KLC1: variants seen among roughly 807,000 people sequenced by gnomAD.
KLC1 encodes the protein kinesin 2 60/70kDa.
A neutral mutation model predicts 84.2 loss-of-function variants in KLC1; 30 were observed. The observed-to-expected ratio is 0.36, with a 90% confidence interval of 0.27 to 0.48. The LOEUF (loss-of-function observed/expected upper bound fraction) is 0.48. Ranked by LOEUF, KLC1 falls within the 20% of genes least tolerant of loss-of-function variation. The pLI is 0.99. For synonymous variants in KLC1, 289 were observed against 293.3 expected (o/e 0.99, Z 0.15); for missense variants, 499 against 805.4 (o/e 0.62, Z 4.60).
At chr14:103,700,875 G>T in intron 16 of KLC1, 148 bp downstream of exon 16, 1 of 693,340 alleles carries the variant, frequency 1.4e-6, no homozygotes, top group Non-Finnish European at 2.3e-6. Context: ...CTTGGCTCAG[G>T]GTCCCCATCC....
At chr14:103,662,294 C>A in intron 4 of KLC1, 100 bp downstream of exon 4, 1 of 975,514 alleles carries the variant, frequency 1.0e-6, no homozygotes, top group Non-Finnish European at 1.7e-6. Flanking sequence ...GTGCATGCGG[C>A]CTGCCTGGAG....
chr14:103,698,778 G>T, intron 15 of KLC1: 1 of 1,574,900 alleles, frequency 6.3e-7, no homozygotes, highest in African/African-American at 1.3e-5. Context: ...AGGCAGGGCT[G>T]TTGTGCAGCC....
chr14:103,693,137 G>A lies in KLC1; in HGVS notation c.1848+712G>A, dbSNP rs572836301. Among the ~76,000 whole-genome samples, 16 of 152,294 alleles carry A rather than the reference G, an allele frequency of 1.1e-4. No homozygotes were observed. In the East Asian group the frequency reaches 1.7e-3, roughly 17 times the overall value. The stretch of plus-strand genomic sequence containing the variant: ...GCCCCTGTGCTGGTGCTGAGAGTTC[G>A]CGACAGTGGCCAGGCACTGCCCTCC... On this transcript the variant is annotated intron_variant, in intron 15 of 16. Transcript: ENST00000334553. The surrounding 1 kb of genome is among the most constrained non-coding windows in gnomAD (Gnocchi z 5.1).
intron 1 of KLC1, among the ~76,000 whole-genome samples, chr14:103,648,805 A>C (rs1433807325): frequency 6.6e-6 from 1 of 152,028 alleles, no homozygotes; most frequent in African/African-American, 2.4e-5. Context: ...TGTCTCAGAC[A>C]AAAAAGGAGA....
chr14:103,649,591 G>A (rs919479889), intron 1 of KLC1, among the ~76,000 whole-genome samples: 3 of 143,952 alleles, frequency 2.1e-5, no homozygotes, highest in Non-Finnish European at 3.0e-5. Context: ...AAAAGAATTT[G>A]TTAGGTTTAC....
intron 1 of KLC1, among the ~76,000 whole-genome samples, chr14:103,646,728 G>A (rs973491174): frequency 1.3e-5 from 2 of 151,928 alleles, no homozygotes; most frequent in African/African-American, 4.8e-5. Context: ...TTCTGCTTCA[G>A]CCTCCCAAGT....
intron 1 of KLC1, among the ~76,000 whole-genome samples, chr14:103,650,962 T>C (rs1159391936): frequency 6.6e-6 from 1 of 152,262 alleles, no homozygotes; most frequent in East Asian, 1.9e-4. Context: ...GCATCAAACT[T>C]GAAAAATGTC....
chr14:103,689,972 G>C (rs2081997482), intron 14 of KLC1, among the ~76,000 whole-genome samples: 1 of 152,154 alleles, frequency 6.6e-6, no homozygotes, highest in Non-Finnish European at 1.5e-5. Flanking sequence ...TTGAGATCAG[G>C]AGTTTGAAAC....
At chr14:103,669,991 A>G (rs976349377) in intron 6 of KLC1, among the ~76,000 whole-genome samples, 191 bp from the exon 7 acceptor site, 2 of 152,194 alleles carry the variant, frequency 1.3e-5, no homozygotes, top group African/African-American at 4.8e-5. Context: ...TAATTTTAGT[A>G]TTCTGCAGTG....
intron 1 of KLC1, 133 bp from the exon 2 acceptor site, chr14:103,654,431 G>A (rs185089054): frequency 4.7e-6 from 3 of 640,616 alleles, no homozygotes; most frequent in Non-Finnish European, 7.5e-6. Flanking sequence ...GTATTTCAAG[G>A]TCATAAATTA....
At chr14:103,685,331 T>G (rs867767339) in intron 13 of KLC1, 1 of 1,275,468 alleles carries the variant, frequency 7.8e-7, no homozygotes, top group Admixed American at 3.5e-5. Flanking sequence ...TTGTAAAGCC[T>G]TTTACACCAA....
intron 1 of KLC1, among the ~76,000 whole-genome samples, chr14:103,644,367 C>A (rs1220030053): frequency 1.3e-5 from 2 of 151,474 alleles, no homozygotes; most frequent in South Asian, 4.2e-4. Flanking sequence ...TCAAGCAATT[C>A]TCTGCCTCAG....
At chr14:103,651,272 T>C (rs2078418520) in intron 1 of KLC1, among the ~76,000 whole-genome samples, 1 of 152,138 alleles carries the variant, frequency 6.6e-6, no homozygotes, top group African/African-American at 2.4e-5. Flanking sequence ...CCTCCCAGAG[T>C]GCTAGGATTA....
intron 14 of KLC1, among the ~76,000 whole-genome samples, chr14:103,689,697 C>G (rs1461167997): frequency 6.6e-6 from 1 of 152,180 alleles, no homozygotes; most frequent in East Asian, 1.9e-4. Flanking sequence ...TTGAGAATCG[C>G]TCAAGGACCA....
At chr14:103,666,271 G>A (rs766233652) in intron 5 of KLC1, among the ~76,000 whole-genome samples, 6 of 151,940 alleles carry the variant, frequency 3.9e-5, no homozygotes, top group Non-Finnish European at 8.8e-5. Flanking sequence ...CACCATGTTA[G>A]CCAGGATGGT....
intron 11 of KLC1, 26 bp downstream of exon 11, chr14:103,675,782 GA>G (rs1188155023): frequency 6.2e-7 from 1 of 1,601,112 alleles, no homozygotes; most frequent in African/African-American, 1.3e-5. Context: ...CGTTTGGCTG[GA>G]AAAACCAAAA....
rs577778256 is a variant in KLC1, at chr14:103,647,874, CAAAAA to C, written c.-1-6679_-1-6675del. Among the ~76,000 whole-genome samples the C allele has an allele frequency of 2.2e-3, 200 of 90,244 alleles. 1 individual carries two copies. In the Middle Eastern group the frequency reaches 0.027, roughly 12 times the overall value. 59.2% of individuals were successfully genotyped at this position (90,244 alleles called of 152,430 possible). On this transcript the variant is annotated intron_variant, in intron 1 of 16. Coordinates refer to ENST00000334553, the MANE Select transcript of KLC1 (RefSeq NM_001394837.1). ...CTGGCGACAGAGCAAGACTCCATCT[CAAAAA>C]AAAAAAAAAAGAATAGCATTTCCTA...
chr14:103,696,648 G>C, intron 15 of KLC1: 1 of 985,496 alleles, frequency 1.0e-6, no homozygotes, highest in South Asian at 4.7e-5. Context: ...AGCAGGCTGC[G>C]TGTGCAGCGG....
At chr14:103,647,897 A>G (rs1010480612) in intron 1 of KLC1, among the ~76,000 whole-genome samples, 5 of 150,906 alleles carry the variant, frequency 3.3e-5, no homozygotes, top group South Asian at 2.1e-4. Flanking sequence ...AAAGAATAGC[A>G]TTTCCTAATT....
Sources: gnomAD v4.1 joint callset for allele counts (sites outside exome capture counted in the v4.1 genomes callset) on GRCh38, gnomAD v4.1.1 for gene constraint, Gnocchi (gnomAD v3.1) non-coding constraint, MANE v1.5 for transcripts, NCBI Gene and HGNC (gene_info 2026-07-23, HGNC 2026-07-21) for gene names.